PAX9: variants seen among roughly 807,000 people sequenced by gnomAD.
PAX9 encodes the protein paired box 9.
Under a neutral mutation model 29.1 loss-of-function variants are expected in PAX9, and 6 were observed. The ratio of observed to expected loss-of-function variants is 0.21; its 90% CI spans 0.11 to 0.41. PAX9 has a LOEUF of 0.41. PAX9 is among the 10% of genes least tolerant of loss of function. The probability of loss-of-function intolerance (pLI) is 1.00; values close to 1 mark genes in which losing one functional copy is unlikely to be tolerated. For synonymous variants in PAX9, 217 were observed against 211.7 expected, an observed-to-expected ratio of 1.03 and a Z score of -0.22; for missense variants, 443 against 479.1, an observed-to-expected ratio of 0.92 and a Z score of 0.70.
upstream of PAX9, chr14:36,661,818 G>T: frequency 1.8e-6 from 1 of 547,978 alleles, no homozygotes. Flanking sequence ...CTTTTAGGGC[G>T]TGTCCCCAGT....
chr14:36,660,913 A>T (rs1449091795), upstream of PAX9, among the ~76,000 whole-genome samples: 1 of 152,244 alleles, frequency 6.6e-6, no homozygotes, highest in Non-Finnish European at 1.5e-5. Flanking sequence ...AGCTTAATGG[A>T]AGACGAGGGA....
At position 36,677,180 on chromosome 14, in the gene PAX9, C is replaced by G. The variant is rs1484201667; in HGVS notation, c.*728C>G. The G allele has an allele frequency of 6.6e-6, 1 of 152,278 alleles. No individual in the cohort carries two copies. The highest frequency in any genetic ancestry group is 2.4e-5 in the African/African-American group (1 of 41,412). 9.4% of individuals were successfully genotyped at this position (152,278 alleles called of 1,614,324 possible). On this transcript the variant is annotated 3_prime_UTR_variant, in exon 4 of 4. Coordinates refer to ENST00000361487, the MANE Select transcript of PAX9 (RefSeq NM_001372076.1). ...TATTCCCCTCCCCTCAGCCCCACCC[C>G]CTCTCTATTTTTTTCTTTCTTTTTT...
rs1881552444 is a variant in PAX9, at chr14:36,667,544, AT to A, written c.771+947del. On this transcript the variant is annotated intron_variant, in intron 3 of 3. Coordinates refer to ENST00000361487, the MANE Select transcript of PAX9 (RefSeq NM_001372076.1). Reference sequence around the variant, plus strand: ...CAAGCTATTCAGTTTTCCTTTTATTATTTTGAAGACTTAAAATTTTTAATGC... The same window carrying A: ...CAAGCTATTCAGTTTTCCTTTTATTATTTGAAGACTTAAAATTTTTAATGC... Among the ~76,000 whole-genome samples the A allele has an allele frequency of 2.0e-5, 3 of 152,288 alleles. No individual in the cohort carries two copies. The South Asian group carries it at 6.2e-4, about 32-fold the overall frequency.
intron 2 of PAX9, chr14:36,666,172 A>C: frequency 2.3e-6 from 1 of 441,730 alleles, no homozygotes; most frequent in Non-Finnish European, 4.1e-6. Context: ...CTGGGAGAGC[A>C]AAGGGGCGAA....
At position 36,663,229 on chromosome 14, in the gene PAX9, G is replaced by A. The variant is rs375546483; in HGVS notation, c.337G>A (p.Asp113Asn). ...RDRLLADGVC[D>N]KYNVPSVSSI... is the part of the protein sequence containing the mutation. ...CCGCCTGCTGGCGGACGGCGTGTGC[G>A]ACAAGTACAATGTGCCCTCCGTGAG... The change falls in exon 2 of 4, where the codon GAC becomes AAC. Residue 113 changes from aspartate to asparagine, a missense_variant. By Grantham distance (23) the Asp-to-Asn change is conservative. Transcript: ENST00000361487. 9 of 1,613,970 alleles carry A rather than the reference G, an allele frequency of 5.6e-6. No homozygotes were observed. The highest frequency in any genetic ancestry group is 5.3e-5 in the African/African-American group (4 of 74,948).
chr14:36,660,826 A>T (rs560747238), upstream of PAX9, among the ~76,000 whole-genome samples: 2 of 152,270 alleles, frequency 1.3e-5, no homozygotes, highest in South Asian at 4.1e-4. Context: ...GCAAAAAAGC[A>T]TACGGTACAC....
At chr14:36,669,413 G>T (rs930881202) in intron 3 of PAX9, among the ~76,000 whole-genome samples, 5 of 149,996 alleles carry the variant, frequency 3.3e-5, no homozygotes, top group African/African-American at 1.2e-4. Flanking sequence ...TTATATTATG[G>T]ACAATAACTT....
upstream of PAX9, among the ~76,000 whole-genome samples, chr14:36,658,377 G>A (rs950774108): frequency 3.3e-5 from 5 of 151,532 alleles, no homozygotes; most frequent in Non-Finnish European, 7.4e-5. Context: ...CTCGCTTGGG[G>A]GGGGGGGGTC....
At position 36,661,914 on chromosome 14, in the gene PAX9, C is replaced by A. The variant is rs1051170307; in HGVS notation, c.-176C>A. Reference sequence around the variant, plus strand: ...AATGCAGAACTCAAGCCTCTTTCATCGGGGCACAGACTTCCTTTTACTTCT... The same window carrying A: ...AATGCAGAACTCAAGCCTCTTTCATAGGGGCACAGACTTCCTTTTACTTCT... On this transcript the variant is annotated 5_prime_UTR_variant, in exon 1 of 4. Coordinates refer to ENST00000361487, the MANE Select transcript of PAX9 (RefSeq NM_001372076.1). 1.3e-6 allele frequency: 1 copy of A among 750,872 alleles called. No homozygotes were observed. Among genetic ancestry groups the A allele is most frequent in the Non-Finnish European group, 2.3e-6 (1 of 433,920 alleles). The allele number at this position is 750,872 out of a possible 1,614,324, so 46.5% of individuals were successfully genotyped here. A position where few individuals can be genotyped will look rare whatever the true frequency, so the allele number is the denominator to read the frequency against.
chr14:36,662,465 A>G, intron 1 of PAX9: 1 of 390,966 alleles, frequency 2.6e-6, no homozygotes. Context: ...AACACCCTCT[A>G]GCTTCCCCTA....
intron 3 of PAX9, 146 bp downstream of exon 3, chr14:36,666,747 G>A: frequency 8.9e-7 from 1 of 1,125,830 alleles, no homozygotes; most frequent in Non-Finnish European, 1.3e-6. Context: ...GATCCTTCGT[G>A]GACTGGGGCG....
upstream of PAX9, among the ~76,000 whole-genome samples, chr14:36,659,697 G>A (rs575613678): frequency 1.3e-5 from 2 of 152,264 alleles, no homozygotes; most frequent in East Asian, 3.9e-4. Flanking sequence ...GAGGCCACAT[G>A]GTCACAGCCA....
chr14:36,658,705 C>G (rs1256256246), upstream of PAX9: 1 of 152,280 alleles, frequency 6.6e-6, no homozygotes, highest in Admixed American at 6.5e-5. Flanking sequence ...CGTCTCTCCG[C>G]GGGCCGCTCT....
intron 3 of PAX9, among the ~76,000 whole-genome samples, chr14:36,674,003 T>C (rs1881791030): frequency 6.6e-6 from 1 of 152,208 alleles, no homozygotes; most frequent in African/African-American, 2.4e-5. Flanking sequence ...CATAACTGAA[T>C]TGGATTTATT....
chr14:36,678,446 G>T lies in PAX9; in HGVS notation c.*1994G>T. On this transcript the variant is annotated 3_prime_UTR_variant, in exon 4 of 4. Transcript: ENST00000361487. ...ACTCTCAGGGCCATAGTCTTCCTTTGATCTTGTAAAACTTCCATTGACATC... is the reference window on the plus strand; with the variant it reads ...ACTCTCAGGGCCATAGTCTTCCTTTTATCTTGTAAAACTTCCATTGACATC... The T allele has an allele frequency of 1.3e-6, 2 of 1,486,324 alleles. No individual in the cohort carries two copies. The highest frequency in any genetic ancestry group is 1.8e-6 in the Non-Finnish European group (2 of 1,100,448). The allele number at this position is 1,486,324 out of a possible 1,614,324, so 92.1% of individuals were successfully genotyped here. A position where few individuals can be genotyped will look rare whatever the true frequency, so the allele number is the denominator to read the frequency against.
In PAX9 at chr14:36,663,486, C is replaced by A; in HGVS notation, c.594C>A (p.Val198=). The change falls in exon 2 of 4, where the codon GTC becomes GTA. Residue 198 remains valine, a synonymous_variant. Transcript: ENST00000361487. ...MPRTWPSSHS[V]TDILGIRSIT... is the part of the protein sequence containing the mutation. ...GCACCTGGCCCTCCTCGCACTCCGT[C>A]ACCGACATCCTGGGCATCCGCTCCA... is the stretch of plus-strand genomic sequence containing the variant. 2 of 1,612,996 alleles carry A rather than the reference C, an allele frequency of 1.2e-6. No individual in the cohort carries two copies. Among genetic ancestry groups the A allele is most frequent in the African/African-American group, 1.3e-5 (1 of 75,056 alleles).
intron 2 of PAX9, 98 bp from the exon 3 acceptor site, chr14:36,666,364 T>C (rs1042432859): frequency 2.7e-6 from 4 of 1,493,838 alleles, no homozygotes; most frequent in Admixed American, 2.0e-5. Context: ...ACCCAAGGTC[T>C]AAGCCCTCCA....
chr14:36,659,959 G>T (rs1262056933), upstream of PAX9, among the ~76,000 whole-genome samples: 1 of 152,110 alleles, frequency 6.6e-6, no homozygotes, highest in Non-Finnish European at 1.5e-5. Context: ...CCTTGTACCC[G>T]CCTAGCAGCC....
rs1882056911 is a variant in PAX9, at chr14:36,679,088, T to C, written c.*2636T>C. 1.0e-6 allele frequency: 1 copy of C among 985,458 alleles called. No individual in the cohort carries two copies. Among genetic ancestry groups the C allele is most frequent in the Non-Finnish European group, 1.2e-6 (1 of 829,946 alleles). 61.0% of individuals were successfully genotyped at this position (985,458 alleles called of 1,614,324 possible). On this transcript the variant is annotated 3_prime_UTR_variant, in exon 4 of 4. Transcript: ENST00000361487. ...TGGAGAGGTTAAAGGTTCAATTTCA[T>C]GACCTCTATGCAGGCAGCGCTCTCA...
Sources: gnomAD v4.1 joint callset for allele counts (sites outside exome capture counted in the v4.1 genomes callset) on GRCh38, gnomAD v4.1.1 for gene constraint, MANE v1.5 for transcripts, NCBI Gene and HGNC (gene_info 2026-07-23, HGNC 2026-07-21) for gene names.